The following C5orf15 variants were observed in gnomAD, a reference collection of about 807,000 sequenced individuals.
The protein encoded by C5orf15 is chromosome 5 open reading frame 15.
In C5orf15, 10 loss-of-function variants were observed where a neutral mutation model predicts 17.8. The ratio of observed to expected loss-of-function variants is 0.56; its 90% confidence interval spans 0.35 to 0.95. C5orf15 has a LOEUF of 0.95. C5orf15 is among the 40% of genes least tolerant of loss of function. The probability of loss-of-function intolerance (pLI) is 0.02; values close to 1 mark genes in which losing one functional copy is unlikely to be tolerated. For missense variants in C5orf15, 319 were observed against 331.7 expected (o/e 0.96, Z 0.30); for synonymous variants, 124 against 131.0 (o/e 0.95, Z 0.36).
In C5orf15 at chr5:133,956,844, T is replaced by A; in HGVS notation, c.*15A>T. The stretch of plus-strand genomic sequence containing the variant: ...AGCAAATAAAATTACATAAGCAAAT[T>A]CAAATCACAGTGCTTTAAAAAATAT... On this transcript the variant is annotated 3_prime_UTR_variant, in exon 3 of 3. Coordinates refer to ENST00000231512, the MANE Select transcript of C5orf15 (RefSeq NM_020199.3). 6.4e-7 allele frequency: 1 copy of A among 1,573,212 alleles called. No homozygotes were observed. Among genetic ancestry groups the A allele is most frequent in the South Asian group, 1.2e-5 (1 of 82,528 alleles).
intron 2 of C5orf15, among the ~76,000 whole-genome samples, chr5:133,957,760 T>C (rs963497689): frequency 1.3e-5 from 2 of 152,248 alleles, no homozygotes; most frequent in African/African-American, 4.8e-5. Context: ...AGGTCCAGTT[T>C]CACTATTTGT....
At chr5:133,958,757 A>G (rs1213736256) in intron 2 of C5orf15, among the ~76,000 whole-genome samples, 1 of 152,194 alleles carries the variant, frequency 6.6e-6, no homozygotes, top group Admixed American at 6.5e-5. Context: ...AATTCCCTAA[A>G]ATAAATGTGT....
At chr5:133,965,381 T>A (rs1279998786) in intron 1 of C5orf15, among the ~76,000 whole-genome samples, 1 of 152,172 alleles carries the variant, frequency 6.6e-6, no homozygotes, top group African/African-American at 2.4e-5. Context: ...ATCTTGGAAG[T>A]AATACACAAA....
chr5:133,961,161 GA>G (rs949214896), intron 1 of C5orf15, among the ~76,000 whole-genome samples: 3 of 102,294 alleles, frequency 2.9e-5, no homozygotes, highest in African/African-American at 7.5e-5. Flanking sequence ...ATTTTGTGTA[GA>G]AAAAAAAAGA....
Position 133,956,701 on chromosome 5 carries a change from T to C in C5orf15, c.*158A>G, listed in dbSNP as rs1207370713. On this transcript the variant is annotated 3_prime_UTR_variant, in exon 3 of 3. Coordinates refer to ENST00000231512, the MANE Select transcript of C5orf15 (RefSeq NM_020199.3). Reference sequence around the variant, plus strand: ...CAGCTCTAAAAGTACAGATAAAAAATTATATACTCGTTTGTGACATTTAAT... The same window carrying C: ...CAGCTCTAAAAGTACAGATAAAAAACTATATACTCGTTTGTGACATTTAAT... 2 of 636,708 alleles carry C rather than the reference T, an allele frequency of 3.1e-6. No individual in the cohort carries two copies. The highest frequency in any genetic ancestry group is 7.8e-5 in the East Asian group (2 of 25,570). The allele number at this position is 636,708 out of a possible 1,614,324, so 39.4% of individuals were successfully genotyped here. A position where few individuals can be genotyped will look rare whatever the true frequency, so the allele number is the denominator to read the frequency against.
At position 133,968,520 on chromosome 5, in the gene C5orf15, G is replaced by C; in HGVS notation, c.65C>G (p.Ala22Gly). The change falls in exon 1 of 3, where the codon GCC (alanine) becomes GGC (glycine). Residue 22 changes from alanine (A) to glycine (G), a missense_variant. By Grantham distance (60) the Ala-to-Gly change is moderately conservative (BLOSUM62 0). This residue lies in a region of C5orf15 where 127 missense variants were observed against 95.6 expected (regional missense o/e 1.33). Transcript: ENST00000231512. Reference protein sequence around the residue: ...PAQAKLLPGSAIQALVGLARP... With the variant: ...PAQAKLLPGSGIQALVGLARP... The stretch of plus-strand genomic sequence containing the variant: ...CGCCAACCCCACAAGGGCTTGGATG[G>C]CCGACCCGGGCAGCAGTTTCGCTTG... 3 of 1,607,490 alleles carry C rather than the reference G, an allele frequency of 1.9e-6. No individual in the cohort carries two copies. Among genetic ancestry groups the C allele is most frequent in the Non-Finnish European group, 2.5e-6 (3 of 1,177,480 alleles).
rs60448808 is a variant in C5orf15, at chr5:133,960,239, T to C, written c.140-219A>G. On this transcript the variant is annotated intron_variant, in intron 1 of 2. Transcript: ENST00000231512. ...ATTGCTTTGCTAGATACTAACAATT[T>C]AAGCAGCATAAAAGACCTACTGCAT... Among the ~76,000 whole-genome samples, 1,465 of 152,270 alleles carry C rather than the reference T, an allele frequency of 9.6e-3. 28 individuals carry two copies. The highest frequency in any genetic ancestry group is 0.034 in the African/African-American group (1,399 of 41,546).
At chr5:133,963,491 A>G (rs1315045883) in intron 1 of C5orf15, among the ~76,000 whole-genome samples, 2 of 152,222 alleles carry the variant, frequency 1.3e-5, no homozygotes. Flanking sequence ...ATTATGTATA[A>G]AATAACACAA....
In C5orf15 at chr5:133,968,363, C is replaced by A. The variant is rs1752226459; in HGVS notation, c.139+83G>T. The A allele has an allele frequency of 1.2e-5, 18 of 1,526,922 alleles. No individual in the cohort carries two copies. In the East Asian group the frequency reaches 4.4e-4, roughly 37 times the overall value. 94.6% of individuals were successfully genotyped at this position (1,526,922 alleles called of 1,614,324 possible). A position where few individuals can be genotyped will look rare whatever the true frequency, so the allele number is the denominator to read the frequency against. On this transcript the variant is annotated intron_variant, in intron 1 of 2. Transcript: ENST00000231512. ...CGTCTGCTCCTGACACTTGGAAGCG[C>A]CCTTTCCCTGGCCCGGCCTGTCTCC...
intron 2 of C5orf15, among the ~76,000 whole-genome samples, chr5:133,958,693 C>T (rs56272130): frequency 0.15 from 21,833 of 147,244 alleles, 1,928 homozygotes; most frequent in South Asian, 0.26. Context: ...TACACCAAAA[C>T]GTTAATGCTG....
At chr5:133,957,555 T>C (rs1752057401) in intron 2 of C5orf15, among the ~76,000 whole-genome samples, 1 of 152,196 alleles carries the variant, frequency 6.6e-6, no homozygotes, top group Non-Finnish European at 1.5e-5. Flanking sequence ...TTGATGTTCA[T>C]AATAGAGATG....
Position 133,956,351 on chromosome 5 carries a change from T to C in C5orf15, c.*508A>G, listed in dbSNP as rs1336025039. 1 of 152,646 alleles carries C rather than the reference T, an allele frequency of 6.6e-6. No homozygotes were observed. Among genetic ancestry groups the C allele is most frequent in the African/African-American group, 2.4e-5 (1 of 41,446 alleles). 9.5% of individuals were successfully genotyped at this position (152,646 alleles called of 1,614,324 possible). On this transcript the variant is annotated 3_prime_UTR_variant, in exon 3 of 3. Coordinates refer to ENST00000231512, the MANE Select transcript of C5orf15 (RefSeq NM_020199.3). ...TGAGCAATATCATTATCCTAAATTA[T>C]GTTTAAATTATCTAAAAATATCCAA...
Position 133,959,842 on chromosome 5 carries a change from G to C in C5orf15, c.318C>G (p.Pro106=). ...CCTCTTGAGACAGAGGAGTAGGCGAGGGATGAGGGACCACAGATGCTCCTC... is the reference window on the plus strand; with the variant it reads ...CCTCTTGAGACAGAGGAGTAGGCGACGGATGAGGGACCACAGATGCTCCTC... ...KSGGASVVPH[P]SPTPLSQEEA... The change falls in exon 2 of 3, where the codon CCC becomes CCG. Residue 106 remains proline (P), a synonymous_variant. Coordinates refer to ENST00000231512, the MANE Select transcript of C5orf15 (RefSeq NM_020199.3). 1 of 1,614,102 alleles carries C rather than the reference G, an allele frequency of 6.2e-7. No homozygotes were observed. The highest frequency in any genetic ancestry group is 8.5e-7 in the Non-Finnish European group (1 of 1,179,986).
chr5:133,965,862 T>G (rs1752183549), intron 1 of C5orf15, among the ~76,000 whole-genome samples: 1 of 152,014 alleles, frequency 6.6e-6, no homozygotes, highest in South Asian at 2.1e-4. Context: ...GAGGCGGAAG[T>G]TGCAATGGGC....
intron 1 of C5orf15, among the ~76,000 whole-genome samples, chr5:133,962,965 C>T (rs1207043734): frequency 2.0e-5 from 3 of 152,036 alleles, no homozygotes; most frequent in Non-Finnish European, 1.5e-5. Context: ...CCACTTTGAC[C>T]CATTCACTTG....
At chr5:133,958,188 G>A (rs777743116) in intron 2 of C5orf15, among the ~76,000 whole-genome samples, 13 of 151,266 alleles carry the variant, frequency 8.6e-5, no homozygotes, top group African/African-American at 2.4e-4. Flanking sequence ...GTTCACCAGC[G>A]TGGACAACAT....
At position 133,958,616 on chromosome 5, in the gene C5orf15, A is replaced by C. The variant is rs1298445166; in HGVS notation, c.666+878T>G. On this transcript the variant is annotated intron_variant, in intron 2 of 2. Coordinates refer to ENST00000231512, the MANE Select transcript of C5orf15 (RefSeq NM_020199.3). ...AAAAAAAAAAAAAACTCTGTGAGAT[A>C]AAATTCCTTAAAAATCATTACATAC... 3.3e-5 allele frequency among the ~76,000 whole-genome samples: 5 copies of C among 150,148 alleles called. No homozygotes were observed. In the East Asian group the frequency reaches 9.7e-4, roughly 29 times the overall value.
chr5:133,964,108 T>C (rs757933837), intron 1 of C5orf15, among the ~76,000 whole-genome samples: 2 of 152,044 alleles, frequency 1.3e-5, no homozygotes, highest in Non-Finnish European at 2.9e-5. Context: ...TCCCAGCTAC[T>C]CTGGAGGCTG....
In C5orf15 at chr5:133,968,593, C is replaced by G. The variant is rs764381992; in HGVS notation, c.-9G>C. The G allele has an allele frequency of 6.2e-7, 1 of 1,602,200 alleles. No homozygotes were observed. The highest frequency in any genetic ancestry group is 8.5e-7 in the Non-Finnish European group (1 of 1,174,956). On this transcript the variant is annotated 5_prime_UTR_variant, in exon 1 of 3. Coordinates refer to ENST00000231512, the MANE Select transcript of C5orf15 (RefSeq NM_020199.3). Reference sequence around the variant, plus strand: ...GGGACGGCAGCGGCCATAACGGACTCGGCTGGGAGCCTGCGCTGTTGCTAG... The same window carrying G: ...GGGACGGCAGCGGCCATAACGGACTGGGCTGGGAGCCTGCGCTGTTGCTAG...
Sources: gnomAD v4.1 joint callset for allele counts (sites outside exome capture counted in the v4.1 genomes callset) on GRCh38, gnomAD v4.1.1 for gene constraint, gnomAD v4.1.1 regional missense constraint, MANE v1.5 for transcripts, NCBI Gene and HGNC (gene_info 2026-07-23, HGNC 2026-07-21) for gene names.